ADAMTSL1: variants seen among roughly 807,000 people sequenced by gnomAD.
ADAMTSL1 encodes ADAMTS like 1, also known as ADAMTS-like protein 1.
A neutral mutation model predicts 201.8 loss-of-function variants in ADAMTSL1; 126 were observed. The observed-to-expected ratio is 0.62, with a 90% confidence interval of 0.54 to 0.72. ADAMTSL1 has a LOEUF of 0.72. ADAMTSL1 is among the 30% of genes least tolerant of loss of function. The pLI is 0.00. For synonymous variants in ADAMTSL1, 1,121 were observed against 903.4 expected (o/e 1.24, Z -4.32); for missense variants, 2,679 against 2,277.8 (o/e 1.18, Z -3.59).
intron 1 of ADAMTSL1, among the ~76,000 whole-genome samples, chr9:17,962,582 C>T (rs887807415): frequency 5.3e-5 from 8 of 152,096 alleles, no homozygotes; most frequent in Admixed American, 1.3e-4. Context: ...GATTGTGTCA[C>T]TGCAGAAAAG....
At chr9:18,183,451 G>T (rs1049326720) in intron 2 of ADAMTSL1, among the ~76,000 whole-genome samples, 14 of 152,108 alleles carry the variant, frequency 9.2e-5, no homozygotes, top group Admixed American at 3.9e-4. Context: ...ACCACAGACT[G>T]GGAGAAAGTA....
chr9:18,142,320 G>A (rs1826436280), intron 1 of ADAMTSL1, among the ~76,000 whole-genome samples: 1 of 152,152 alleles, frequency 6.6e-6, no homozygotes, highest in Non-Finnish European at 1.5e-5. Context: ...ATTTCTTCAA[G>A]GTTCTTGCTG....
At chr9:18,703,708 A>ATATATATATATATATATATATG (rs1832063722) in intron 13 of ADAMTSL1, among the ~76,000 whole-genome samples, 1 of 74,358 alleles carries the variant, frequency 1.3e-5, no homozygotes, top group African/African-American at 4.2e-5. Context: ...ATACATATAT[A>ATATATATATATATATATATATG]TATATATATA....
At chr9:18,890,265 CTCTGTT>C (rs1353479572) in intron 25 of ADAMTSL1, among the ~76,000 whole-genome samples, 1 of 152,202 alleles carries the variant, frequency 6.6e-6, no homozygotes, top group African/African-American at 2.4e-5. Context: ...TGGAATAAAT[CTCTGTT>C]TCTGACAGTA....
At chr9:18,081,289 A>G (rs1438894222) in intron 1 of ADAMTSL1, among the ~76,000 whole-genome samples, 1 of 152,154 alleles carries the variant, frequency 6.6e-6, no homozygotes, top group African/African-American at 2.4e-5. Flanking sequence ...CCCAAATATA[A>G]TATTCAGAGT....
In ADAMTSL1 at chr9:18,580,650, G is replaced by A. The variant is rs1823037828; in HGVS notation, c.474+6384G>A. The stretch of plus-strand genomic sequence containing the variant: ...CAATCTGCTGTATGTTGATTATTGA[G>A]GATATAAAATTGATTAAGATCTCTT... On this transcript the variant is annotated intron_variant, in intron 4 of 28. Coordinates refer to ENST00000380548, the MANE Select transcript of ADAMTSL1 (RefSeq NM_001040272.6). Among the ~76,000 whole-genome samples, 3 of 152,086 alleles carry A rather than the reference G, an allele frequency of 2.0e-5. No homozygotes were observed. The South Asian group carries it at 6.2e-4, about 32-fold the overall frequency.
At chr9:18,864,989 C>G (rs1041606677) in intron 23 of ADAMTSL1, among the ~76,000 whole-genome samples, 45 of 152,052 alleles carry the variant, frequency 3.0e-4, no homozygotes, top group Admixed American at 1.4e-3. Flanking sequence ...AAATCAATCA[C>G]ACATTTTTTT....
intron 13 of ADAMTSL1, among the ~76,000 whole-genome samples, chr9:18,699,553 C>G (rs1292042255): frequency 6.6e-6 from 1 of 152,076 alleles, no homozygotes; most frequent in Non-Finnish European, 1.5e-5. Flanking sequence ...TGGTCTCAAA[C>G]TCTTGGCCTC....
chr9:18,501,734 G>A (rs1449375771), intron 1 of ADAMTSL1, among the ~76,000 whole-genome samples: 1 of 152,110 alleles, frequency 6.6e-6, no homozygotes, highest in Non-Finnish European at 1.5e-5. Flanking sequence ...CATTAAACAT[G>A]GATTCCATTG....
chr9:18,846,252 A>T (rs1673967465), intron 23 of ADAMTSL1, among the ~76,000 whole-genome samples: 1 of 152,162 alleles, frequency 6.6e-6, no homozygotes, highest in Admixed American at 6.5e-5. Flanking sequence ...GTCTGATGGG[A>T]AAGTTCAAGT....
chr9:17,948,801 T>C (rs968890390), intron 1 of ADAMTSL1, among the ~76,000 whole-genome samples: 5 of 152,164 alleles, frequency 3.3e-5, no homozygotes, highest in Non-Finnish European at 5.9e-5. Context: ...ATGGCAACAA[T>C]AGGACAAATG....
At chr9:18,592,560 C>T (rs571738496) in intron 4 of ADAMTSL1, among the ~76,000 whole-genome samples, 1 of 152,284 alleles carries the variant, frequency 6.6e-6, no homozygotes, top group Non-Finnish European at 1.5e-5. Flanking sequence ...TTATGCTCCT[C>T]ATCTTCAAGC....
chr9:18,683,250 A>T (rs1426030452), intron 12 of ADAMTSL1, among the ~76,000 whole-genome samples: 2 of 141,222 alleles, frequency 1.4e-5, no homozygotes, highest in Admixed American at 7.4e-5. Flanking sequence ...TTTGAGACGG[A>T]GTCTCACTCT....
intron 1 of ADAMTSL1, among the ~76,000 whole-genome samples, chr9:18,036,712 T>C (rs1444468756): frequency 6.6e-6 from 1 of 152,172 alleles, no homozygotes; most frequent in African/African-American, 2.4e-5. Context: ...AAGACCTACA[T>C]TGATATGGGT....
chr9:18,634,848 A>AG (rs1827000325), intron 5 of ADAMTSL1, among the ~76,000 whole-genome samples: 1 of 135,576 alleles, frequency 7.4e-6, no homozygotes, highest in African/African-American at 2.7e-5. Context: ...AAAAAAAAAA[A>AG]GAATATGTAA....
chr9:18,635,166 T>G (rs1227928783), intron 5 of ADAMTSL1, among the ~76,000 whole-genome samples: 1 of 151,818 alleles, frequency 6.6e-6, no homozygotes, highest in African/African-American at 2.4e-5. Flanking sequence ...TGCAGTACCA[T>G]AAAAATATAA....
chr9:17,977,499 A>G (rs1411946321), intron 1 of ADAMTSL1, among the ~76,000 whole-genome samples: 2 of 151,880 alleles, frequency 1.3e-5, no homozygotes, highest in Non-Finnish European at 2.9e-5. Context: ...CAGATGATCT[A>G]TTTCTCCATT....
intron 1 of ADAMTSL1, among the ~76,000 whole-genome samples, chr9:18,488,421 A>G (rs1822104628): frequency 1.3e-5 from 2 of 152,182 alleles, no homozygotes; most frequent in South Asian, 2.1e-4. Context: ...TCCTACTTCA[A>G]TGAGTATAGA....
chr9:18,412,569 A>G (rs567617037), intron 2 of ADAMTSL1, among the ~76,000 whole-genome samples: 2 of 152,146 alleles, frequency 1.3e-5, no homozygotes, highest in Non-Finnish European at 2.9e-5. Context: ...CAACTTTCAG[A>G]CTATGTATTT....
Sources: allele counts gnomAD v4.1 joint callset (sites outside exome capture counted in the v4.1 genomes callset), GRCh38; gene constraint gnomAD v4.1.1; transcripts MANE v1.5; gene names NCBI Gene and HGNC (gene_info 2026-07-23, HGNC 2026-07-21).